Variants in FANK1 observed in about 807,000 individuals in gnomAD.
FANK1 encodes the protein fibronectin type III and ankyrin repeat domains 1.
A neutral mutation model predicts 45.3 loss-of-function variants in FANK1; 44 were observed. That is an observed-to-expected ratio of 0.97 (90% CI 0.76 to 1.25). The LOEUF is 1.25. Among genes scored for constraint, FANK1 ranks in the 50% most tolerant of loss-of-function variants. FANK1 has a pLI of 0.00. For synonymous variants in FANK1, 149 were observed against 152.5 expected (o/e 0.98, Z 0.17); for missense variants, 391 against 424.4 (o/e 0.92, Z 0.69).
chr10:125,953,183 G>A (rs940971327), intron 1 of FANK1, among the ~76,000 whole-genome samples: 13 of 152,142 alleles, frequency 8.5e-5, no homozygotes, highest in Admixed American at 3.3e-4. Context: ...CAGGAACCCT[G>A]CTTTGAAAAC....
intron 6 of FANK1, among the ~76,000 whole-genome samples, chr10:126,003,683 T>TA (rs1175580680): frequency 1.3e-5 from 2 of 151,752 alleles, no homozygotes; most frequent in East Asian, 3.9e-4. Context: ...TATTTATTTT[T>TA]TTTATTTTTT....
intron 1 of FANK1, among the ~76,000 whole-genome samples, chr10:125,964,000 G>C (rs949751931): frequency 6.6e-6 from 1 of 152,036 alleles, no homozygotes; most frequent in Non-Finnish European, 1.5e-5. Context: ...ATCCATGTAT[G>C]CAGTACTTTG....
chr10:125,899,874 G>A (rs1054063472), intron 1 of FANK1, among the ~76,000 whole-genome samples: 19 of 151,436 alleles, frequency 1.3e-4, no homozygotes, highest in Non-Finnish European at 5.9e-5. Flanking sequence ...CAGTAAATTG[G>A]TTATGAGGAA....
chr10:125,907,564 C>T (rs1487523069), intron 1 of FANK1: 1 of 964,322 alleles, frequency 1.0e-6, no homozygotes, highest in South Asian at 4.8e-5. Flanking sequence ...TGGGTTGTTA[C>T]TCCTGGGATG....
At chr10:125,924,805 TCAA>T (rs1947225425) in intron 1 of FANK1, among the ~76,000 whole-genome samples, 2 of 90,710 alleles carry the variant, frequency 2.2e-5, no homozygotes, top group Admixed American at 1.4e-4. Flanking sequence ...AGACCCCATC[TCAA>T]AAAAAAAAAA....
rs374152535 is a variant in FANK1 at position 125,980,224 on chromosome 10, A to G, written c.77A>G (p.Glu26Gly). 1 of 1,613,980 alleles carries G rather than the reference A, an allele frequency of 6.2e-7. No individual in the cohort carries two copies. The highest frequency in any genetic ancestry group is 8.5e-7 in the Non-Finnish European group (1 of 1,180,024). ...VVGKVTHHSI[E>G]LYWDLEKKAK... Reference sequence around the variant, plus strand: ...GGCAAAGTGACTCATCACAGCATTGAATTATACTGGGATCTGGAAAAGAAA... The same window carrying G: ...GGCAAAGTGACTCATCACAGCATTGGATTATACTGGGATCTGGAAAAGAAA... Residue 26 changes from glutamate (E) to glycine (G), a missense_variant, in exon 2 of 11, where the codon GAA becomes GGA. Physicochemically the swap from Glu to Gly is moderately conservative, Grantham distance 98 (BLOSUM62 -2). Coordinates refer to ENST00000368693, the MANE Select transcript of FANK1 (RefSeq NM_145235.5).
At chr10:125,899,529 C>G (rs1944864837) in intron 1 of FANK1, among the ~76,000 whole-genome samples, 1 of 152,226 alleles carries the variant, frequency 6.6e-6, no homozygotes, top group Non-Finnish European at 1.5e-5. Flanking sequence ...CTTTTACAGT[C>G]TAAGAAACAT....
intron 1 of FANK1, among the ~76,000 whole-genome samples, chr10:125,976,992 A>G (rs926681460): frequency 6.6e-6 from 1 of 151,784 alleles, no homozygotes; most frequent in Non-Finnish European, 1.5e-5. Context: ...TGGCTATTCT[A>G]TCCTTCAGCT....
At position 126,008,263 on chromosome 10, in the gene FANK1, A is replaced by T. The variant is rs535561794; in HGVS notation, c.706-144A>T. 2.7e-6 allele frequency: 3 copies of T among 1,102,052 alleles called. No individual in the cohort carries two copies. In the South Asian group the frequency reaches 7.1e-5, roughly 26 times the overall value. The allele number at this position is 1,102,052 out of a possible 1,614,324, so 68.3% of individuals were successfully genotyped here. On this transcript the variant is annotated intron_variant, in intron 7 of 10. Coordinates refer to ENST00000368693, the MANE Select transcript of FANK1 (RefSeq NM_145235.5). ...CCTCTCAGCACCAAAATGTGACTTA[A>T]ATTAGCACAGTGCAATGAACCAAAT... is the stretch of plus-strand genomic sequence containing the variant.
At chr10:125,923,236 A>T (rs1279578124) in intron 1 of FANK1, among the ~76,000 whole-genome samples, 2 of 151,344 alleles carry the variant, frequency 1.3e-5, no homozygotes, top group Non-Finnish European at 2.9e-5. Flanking sequence ...AGGTGGGAGG[A>T]CCACTTGACT....
chr10:125,986,528 C>T (rs1330599778), intron 2 of FANK1, among the ~76,000 whole-genome samples: 1 of 152,130 alleles, frequency 6.6e-6, no homozygotes, highest in Non-Finnish European at 1.5e-5. Context: ...CACCTCTTTC[C>T]TGGACGTGCC....
intron 2 of FANK1, among the ~76,000 whole-genome samples, chr10:125,987,857 G>A (rs73370553): frequency 6.6e-6 from 1 of 152,156 alleles, no homozygotes; most frequent in Non-Finnish European, 1.5e-5. Context: ...GCATTTCTTG[G>A]TGCTGATTTT....
intron 1 of FANK1, among the ~76,000 whole-genome samples, chr10:125,904,801 G>C (rs1230759385): frequency 6.6e-6 from 1 of 152,092 alleles, no homozygotes; most frequent in Non-Finnish European, 1.5e-5. Context: ...CAAAAAATGA[G>C]CATGGCTCTG....
intron 1 of FANK1, among the ~76,000 whole-genome samples, chr10:125,915,247 GAA>G (rs1946358872): frequency 6.7e-6 from 1 of 149,708 alleles, no homozygotes; most frequent in Admixed American, 6.7e-5. Flanking sequence ...CAAAAACAGG[GAA>G]AACTATCATT....
At chr10:125,906,764 T>G (rs1184014655) in intron 1 of FANK1, among the ~76,000 whole-genome samples, 2 of 152,318 alleles carry the variant, frequency 1.3e-5, no homozygotes, top group East Asian at 3.9e-4. Context: ...CCTACTGATT[T>G]ACCTTTCAGT....
chr10:125,927,991 C>T (rs111900418), intron 1 of FANK1, among the ~76,000 whole-genome samples: 120 of 152,320 alleles, frequency 7.9e-4, no homozygotes, highest in African/African-American at 2.5e-3. Flanking sequence ...AGTTTACACT[C>T]TGCCAGCTGT....
chr10:125,994,052 G>C (rs1341513719), intron 3 of FANK1, among the ~76,000 whole-genome samples: 1 of 152,080 alleles, frequency 6.6e-6, no homozygotes, highest in African/African-American at 2.4e-5. Context: ...GCATCCCAGA[G>C]AGATTTTCTA....
intron 1 of FANK1, among the ~76,000 whole-genome samples, chr10:125,941,078 C>G (rs1948426491): frequency 6.6e-6 from 1 of 152,156 alleles, no homozygotes; most frequent in South Asian, 2.1e-4. Flanking sequence ...TCCCTAGAGT[C>G]AGAAAATACA....
intron 3 of FANK1, among the ~76,000 whole-genome samples, chr10:125,991,360 G>C (rs1259082943): frequency 2.0e-5 from 3 of 152,020 alleles, no homozygotes; most frequent in African/African-American, 7.3e-5. Flanking sequence ...TCAACCTCAG[G>C]GGGGCTGTAC....
Sources: allele counts gnomAD v4.1 joint callset (sites outside exome capture counted in the v4.1 genomes callset), GRCh38; gene constraint gnomAD v4.1.1; transcripts MANE v1.5; gene names NCBI Gene and HGNC (gene_info 2026-07-23, HGNC 2026-07-21).